PIK3R1: variants seen among roughly 807,000 people sequenced by gnomAD.
The protein encoded by PIK3R1 is phosphoinositide-3-kinase regulatory subunit 1.
PIK3R1 carries 29 observed loss-of-function variants against 98.0 expected under a neutral mutation model. That is an observed-to-expected ratio of 0.30 (90% CI 0.22 to 0.40). PIK3R1 has a LOEUF of 0.40. PIK3R1 is among the 10% of genes least tolerant of loss of function. PIK3R1 has a pLI of 1.00. For missense variants in PIK3R1, 596 were observed against 872.7 expected (o/e 0.68, Z 3.99); for synonymous variants, 282 against 311.8 (o/e 0.90, Z 1.01).
intron 2 of PIK3R1, among the ~76,000 whole-genome samples, chr5:68,256,196 CA>C (rs368442648): frequency 1.0e-3 from 155 of 150,840 alleles, no homozygotes; most frequent in African/African-American, 3.4e-3. Flanking sequence ...CTTTGAATAT[CA>C]AAAAAAAAGT....
chr5:68,221,801 G>T (rs1001017957), intron 1 of PIK3R1, among the ~76,000 whole-genome samples: 2 of 152,162 alleles, frequency 1.3e-5, no homozygotes, highest in African/African-American at 4.8e-5. Flanking sequence ...TTTATTTTGG[G>T]GAATAGAAAG....
intron 2 of PIK3R1, among the ~76,000 whole-genome samples, chr5:68,249,547 A>G (rs977730949): frequency 6.6e-6 from 1 of 152,358 alleles, no homozygotes; most frequent in Non-Finnish European, 1.5e-5. Flanking sequence ...TTTAAATAAC[A>G]TCATATTGGG....
chr5:68,238,682 A>G (rs1309688412), intron 2 of PIK3R1, among the ~76,000 whole-genome samples: 2 of 152,198 alleles, frequency 1.3e-5, no homozygotes, highest in Non-Finnish European at 2.9e-5. Context: ...TGGAATCCAA[A>G]GGATAAAAAC....
chr5:68,254,864 C>T (rs1194986261), intron 2 of PIK3R1, among the ~76,000 whole-genome samples: 1 of 150,970 alleles, frequency 6.6e-6, no homozygotes, highest in Non-Finnish European at 1.5e-5. Flanking sequence ...GCAAACAAAG[C>T]AGTATCTTAA....
intron 2 of PIK3R1, among the ~76,000 whole-genome samples, chr5:68,242,793 G>T (rs937388658): frequency 6.6e-6 from 1 of 152,194 alleles, no homozygotes; most frequent in Non-Finnish European, 1.5e-5. Context: ...GGCCCTCAGT[G>T]TCTGGGTAAG....
chr5:68,288,577 C>T (rs2112227380), intron 7 of PIK3R1: 4 of 1,523,222 alleles, frequency 2.6e-6, no homozygotes, highest in African/African-American at 2.8e-5. Context: ...GGCGGCGCCC[C>T]CGCTCCTGCG....
intron 12 of PIK3R1, among the ~76,000 whole-genome samples, 181 bp downstream of exon 12, chr5:68,294,859 TAGATGACG>T (rs1747610803): frequency 6.6e-6 from 1 of 152,016 alleles, no homozygotes; most frequent in Admixed American, 6.6e-5. Context: ...TACCTAATGC[TAGATGACG>T]AGTTAGTGGG....
chr5:68,290,652 G>T, intron 7 of PIK3R1: 4 of 1,517,374 alleles, frequency 2.6e-6, no homozygotes, highest in East Asian at 2.3e-5. Flanking sequence ...GTTTTAAAAT[G>T]AATTCCAAGA....
intron 11 of PIK3R1, 123 bp downstream of exon 11, chr5:68,293,957 G>C: frequency 1.4e-6 from 1 of 740,412 alleles, no homozygotes; most frequent in Non-Finnish European, 2.2e-6. Flanking sequence ...GCATTTATTT[G>C]TGAATCATTG....
intron 1 of PIK3R1, 58 bp downstream of exon 1, chr5:68,216,007 T>C (rs1743856065): frequency 6.6e-6 from 1 of 152,152 alleles, no homozygotes; most frequent in Non-Finnish European, 1.5e-5. Context: ...GCGGTGCATG[T>C]GTGCACGGCT....
At position 68,226,324 on chromosome 5, in the gene PIK3R1, A is replaced by G; in HGVS notation, c.-352A>G. On this transcript the variant is annotated 5_prime_UTR_variant, in exon 2 of 16. Transcript: ENST00000521381. ...GTGTGTGGAGTGCCACGGTACAATC[A>G]GACGACAGATGGACAGTGTGACAAA... 2.4e-6 allele frequency: 1 copy of G among 424,256 alleles called. No individual in the cohort carries two copies. Among genetic ancestry groups the G allele is most frequent in the Non-Finnish European group, 4.2e-6 (1 of 240,190 alleles). The allele number at this position is 424,256 out of a possible 1,614,324, so 26.3% of individuals were successfully genotyped here. A position where few individuals can be genotyped will look rare whatever the true frequency, so the allele number is the denominator to read the frequency against.
In PIK3R1 at chr5:68,244,523, G is replaced by GCC. The variant is rs1190697417; in HGVS notation, c.334+17519_334+17520dup. Among the ~76,000 whole-genome samples the GCC allele has an allele frequency of 1.4e-3, 11 of 7,998 alleles. 3 individuals carry two copies. The highest frequency in any genetic ancestry group is 2.6e-3 in the African/African-American group (2 of 776). The allele number at this position is 7,998 out of a possible 152,430, so 5.2% of individuals were successfully genotyped here. On this transcript the variant is annotated intron_variant, in intron 2 of 15. Transcript: ENST00000521381. Reference sequence around the variant, plus strand: ...CCTATTTCTCTAGGACCGCCCCCCCGCCCCCCGCCGCCGCTTCAGAGAGCT... The same window carrying GCC: ...CCTATTTCTCTAGGACCGCCCCCCCGCCCCCCCCGCCGCCGCTTCAGAGAGCT...
chr5:68,222,195 G>C (rs1009982239), intron 1 of PIK3R1, among the ~76,000 whole-genome samples: 2 of 152,142 alleles, frequency 1.3e-5, no homozygotes, highest in African/African-American at 4.8e-5. Flanking sequence ...TGAATCTGAG[G>C]AAAAATCCTG....
intron 2 of PIK3R1, among the ~76,000 whole-genome samples, chr5:68,246,762 T>G (rs1745109694): frequency 6.6e-6 from 1 of 152,254 alleles, no homozygotes; most frequent in African/African-American, 2.4e-5. Flanking sequence ...TAGCTGGGAC[T>G]GCAGGCGCCT....
intron 2 of PIK3R1, among the ~76,000 whole-genome samples, chr5:68,232,489 C>G (rs1744517129): frequency 6.6e-6 from 1 of 152,180 alleles, no homozygotes; most frequent in Non-Finnish European, 1.5e-5. Context: ...GGGAGGCTCT[C>G]TTACCCAGAG....
rs2591417 is a variant in PIK3R1, at chr5:68,301,495, C to T, written c.*3894C>T. On this transcript the variant is annotated 3_prime_UTR_variant, in exon 16 of 16. Transcript: ENST00000521381. ...GTATATACATATATGTATATATATGCACATATATATATGTATTTAAAAAAA... is the reference window on the plus strand; with the variant it reads ...GTATATACATATATGTATATATATGTACATATATATATGTATTTAAAAAAA... 5 of 125,318 alleles carry T rather than the reference C, an allele frequency of 4.0e-5. No individual in the cohort carries two copies. Among genetic ancestry groups the T allele is most frequent in the Admixed American group, 1.6e-4 (2 of 12,390 alleles). 7.8% of individuals were successfully genotyped at this position (125,318 alleles called of 1,614,324 possible).
At chr5:68,265,752 A>T (rs1305568034) in intron 2 of PIK3R1, among the ~76,000 whole-genome samples, 1 of 152,018 alleles carries the variant, frequency 6.6e-6, no homozygotes, top group African/African-American at 2.4e-5. Context: ...ATGCATCTTT[A>T]AAAAAAATGT....
intron 7 of PIK3R1, among the ~76,000 whole-genome samples, chr5:68,281,733 C>T (rs1746847939): frequency 6.6e-6 from 1 of 152,092 alleles, no homozygotes; most frequent in South Asian, 2.1e-4. Context: ...AAAGGTGTTG[C>T]TTGTAGTCTT....
At chr5:68,253,061 A>G (rs1745378939) in intron 2 of PIK3R1, among the ~76,000 whole-genome samples, 2 of 152,178 alleles carry the variant, frequency 1.3e-5, no homozygotes, top group African/African-American at 4.8e-5. Flanking sequence ...TTCTCCTAGC[A>G]ATACTAATTT....
Sources: gnomAD v4.1 joint callset for allele counts (sites outside exome capture counted in the v4.1 genomes callset) on GRCh38, gnomAD v4.1.1 for gene constraint, MANE v1.5 for transcripts, NCBI Gene and HGNC (gene_info 2026-07-23, HGNC 2026-07-21) for gene names.